Variants in IMPA1 observed in about 807,000 individuals in gnomAD.
IMPA1 encodes inositol monophosphatase 1.
A neutral mutation model predicts 34.9 loss-of-function variants in IMPA1; 21 were observed. The ratio of observed to expected loss-of-function variants is 0.60; its 90% CI spans 0.43 to 0.87. IMPA1 has a LOEUF of 0.87. Among genes scored for constraint, IMPA1 ranks in the 40% least tolerant of loss-of-function variants. The pLI, the probability that IMPA1 is intolerant of heterozygous loss-of-function variation, is 0.00. For synonymous variants in IMPA1, 95 were observed against 104.4 expected (o/e 0.91, Z 0.55); for missense variants, 299 against 336.4 (o/e 0.89, Z 0.87).
At chr8:81,663,636 A>T (rs143787684) in intron 7 of IMPA1, among the ~76,000 whole-genome samples, 31 of 152,382 alleles carry the variant, frequency 2.0e-4, no homozygotes, top group Non-Finnish European at 3.8e-4. Flanking sequence ...AAAGAAAAAG[A>T]CAGAAATAGT....
chr8:81,681,497 C>A lies in IMPA1; in HGVS notation c.63+1G>T. 2 of 1,546,144 alleles carry A rather than the reference C, an allele frequency of 1.3e-6. No homozygotes were observed. Among genetic ancestry groups the A allele is most frequent in the East Asian group, 4.5e-5 (2 of 44,530 alleles). On this transcript the variant is annotated splice_donor_variant, in intron 2 of 8. Transcript: ENST00000256108. LOFTEE classifies it high-confidence loss of function. The stretch of plus-strand genomic sequence containing the variant: ...ATAATTGACAAAATCTTAGCTCATA[C>A]CTCTCCAGCTTGTCTTGCTAGAGTT...
intron 7 of IMPA1, among the ~76,000 whole-genome samples, chr8:81,663,654 G>A (rs764634030): frequency 2.6e-5 from 4 of 152,184 alleles, no homozygotes; most frequent in Non-Finnish European, 5.9e-5. Flanking sequence ...AGTAGGTGGT[G>A]AAAATATTAT....
rs1268056668 is a variant in IMPA1 at position 81,657,830 on chromosome 8, G to C, written c.*1521C>G. On this transcript the variant is annotated 3_prime_UTR_variant, in exon 9 of 9. Transcript: ENST00000256108. ...AAAGAGGAGGATCACTTGAGCCCAG[G>C]AATTTAAGGATACAGTGAGCTATGA... 6.6e-6 allele frequency: 1 copy of C among 152,036 alleles called. No homozygotes were observed. The highest frequency in any genetic ancestry group is 1.5e-5 in the Non-Finnish European group (1 of 68,036). 9.4% of individuals were successfully genotyped at this position (152,036 alleles called of 1,614,324 possible).
intron 3 of IMPA1, 107 bp from the exon 4 acceptor site, chr8:81,679,337 G>T: frequency 1.3e-6 from 1 of 768,492 alleles, no homozygotes; most frequent in Admixed American, 2.0e-5. Context: ...TAGCAGGCGA[G>T]GTGTGGAGGT....
At chr8:81,671,761 G>A (rs1243461027) in intron 6 of IMPA1, among the ~76,000 whole-genome samples, 1 of 152,036 alleles carries the variant, frequency 6.6e-6, no homozygotes, top group Non-Finnish European at 1.5e-5. Context: ...GTTGGGCATG[G>A]TGGTGCGCAC....
chr8:81,685,069 G>C (rs1379510083), intron 1 of IMPA1, among the ~76,000 whole-genome samples: 4 of 125,486 alleles, frequency 3.2e-5, no homozygotes, highest in Non-Finnish European at 4.7e-5. Context: ...AGTATATTTA[G>C]ATATATATAC....
chr8:81,668,025 G>A (rs2975928), intron 7 of IMPA1, among the ~76,000 whole-genome samples: 6 of 151,822 alleles, frequency 4.0e-5, no homozygotes, highest in African/African-American at 9.7e-5. Flanking sequence ...GGGTTTCACC[G>A]TGTTAGCCAG....
At position 81,685,488 on chromosome 8, in the gene IMPA1, T is replaced by C. The variant is rs1377870746; in HGVS notation, c.-25+764A>G. Among the ~76,000 whole-genome samples the C allele has an allele frequency of 2.8e-5, 4 of 143,758 alleles. No homozygotes were observed. The Admixed American group carries it at 2.8e-4, about 10-fold the overall frequency. 94.3% of individuals were successfully genotyped at this position (143,758 alleles called of 152,430 possible). A position where few individuals can be genotyped will look rare whatever the true frequency, so the allele number is the denominator to read the frequency against. On this transcript the variant is annotated intron_variant, in intron 1 of 8. Transcript: ENST00000256108. ...TATATACCTAAGTATATTTCTGTAC[T>C]ATATATAAGTATATATACGTAAGTA...
intron 2 of IMPA1, 56 bp downstream of exon 2, chr8:81,681,442 G>A: frequency 1.0e-6 from 1 of 972,462 alleles, no homozygotes; most frequent in Non-Finnish European, 1.7e-6. Context: ...CAACAACACA[G>A]TATACCCACC....
intron 1 of IMPA1, among the ~76,000 whole-genome samples, chr8:81,685,268 CTATA>C (rs1350981954): frequency 1.6e-5 from 2 of 122,376 alleles, no homozygotes; most frequent in Admixed American, 8.6e-5. Context: ...AGTATAGATA[CTATA>C]TATAGTATAT....
chr8:81,662,681 C>T (rs961260157), intron 7 of IMPA1, among the ~76,000 whole-genome samples: 4 of 152,172 alleles, frequency 2.6e-5, no homozygotes, highest in African/African-American at 9.7e-5. Flanking sequence ...AATAAGGATT[C>T]CAATTTACTT....
chr8:81,678,953 G>A (rs1446199991), intron 4 of IMPA1, among the ~76,000 whole-genome samples, 173 bp downstream of exon 4: 1 of 152,108 alleles, frequency 6.6e-6, no homozygotes, highest in Non-Finnish European at 1.5e-5. Flanking sequence ...TATCTGATAA[G>A]TCTGCATAAT....
intron 7 of IMPA1, among the ~76,000 whole-genome samples, chr8:81,669,526 C>G (rs999780350): frequency 6.6e-6 from 1 of 152,214 alleles, no homozygotes; most frequent in Non-Finnish European, 1.5e-5. Flanking sequence ...TGCCTAGCGC[C>G]TGTTCTTTCT....
At chr8:81,674,052 G>T in intron 5 of IMPA1, 103 bp from the exon 6 acceptor site, 1 of 685,184 alleles carries the variant, frequency 1.5e-6, no homozygotes, top group East Asian at 2.6e-5. Flanking sequence ...AGTAACAATG[G>T]ACTGAAATGG....
At chr8:81,686,062 G>C (rs1322290187) in intron 1 of IMPA1, 190 bp downstream of exon 1, 7 of 1,087,122 alleles carry the variant, frequency 6.4e-6, no homozygotes, top group Non-Finnish European at 7.4e-6. Context: ...TCCAATGCCG[G>C]AACTGTTCCC....
intron 1 of IMPA1, among the ~76,000 whole-genome samples, chr8:81,685,062 ATATT>A (rs1007974013): frequency 1.5e-5 from 2 of 134,908 alleles, no homozygotes; most frequent in African/African-American, 2.8e-5. Flanking sequence ...ATACATAAGT[ATATT>A]TAGATATATA....
chr8:81,660,784 A>G (rs1388966100), intron 7 of IMPA1, 117 bp from the exon 8 acceptor site: 4 of 593,812 alleles, frequency 6.7e-6, no homozygotes, highest in Non-Finnish European at 1.1e-5. Flanking sequence ...TAGAGGATAA[A>G]GATTTTAAGA....
Position 81,676,263 on chromosome 8 carries a change from C to T in IMPA1, c.319G>A (p.Val107Ile). 1 of 1,344,248 alleles carries T rather than the reference C, an allele frequency of 7.4e-7. No homozygotes were observed. Among genetic ancestry groups the T allele is most frequent in the Non-Finnish European group, 1.0e-6 (1 of 984,708 alleles). 83.3% of individuals were successfully genotyped at this position (1,344,248 alleles called of 1,614,324 possible). Residue 107 changes from valine (V) to isoleucine (I), a missense_variant, in exon 5 of 9, where the codon GTT (valine) becomes ATT (isoleucine). Val to Ile is a conservative substitution (Grantham distance 29). Transcript: ENST00000256108. Reference sequence around the variant, plus strand: ...TTATTTACAGCAAAGCCAATTGAAACAGCTACAAAAGGAAATCTTTTTTTA... The same window carrying T: ...TTATTTACAGCAAAGCCAATTGAAATAGCTACAAAAGGAAATCTTTTTTTA... ...NFVHRFPFVA[V>I]SIGFAVNKKI... is the part of the protein sequence containing the mutation.
intron 7 of IMPA1, among the ~76,000 whole-genome samples, chr8:81,662,025 T>C (rs980280508): frequency 6.6e-6 from 1 of 152,190 alleles, no homozygotes; most frequent in East Asian, 1.9e-4. Context: ...AAATTGCACC[T>C]AAGTACATCC....
Sources: allele counts gnomAD v4.1 joint callset (sites outside exome capture counted in the v4.1 genomes callset), GRCh38; gene constraint gnomAD v4.1.1; transcripts MANE v1.5; gene names NCBI Gene and HGNC (gene_info 2026-07-23, HGNC 2026-07-21).